The following SLC35F1 variants were observed in gnomAD, a reference collection of about 807,000 sequenced individuals.
The protein encoded by SLC35F1 is solute carrier family 35 member F1.
A neutral mutation model predicts 48.7 loss-of-function variants in SLC35F1; 14 were observed. That is an observed-to-expected ratio of 0.29 (90% CI 0.19 to 0.45). SLC35F1 has a LOEUF of 0.45. Among genes scored for constraint, SLC35F1 ranks in the 20% least tolerant of loss-of-function variants. SLC35F1 has a pLI of 1.00. For missense variants in SLC35F1, 404 were observed against 500.0 expected, an observed-to-expected ratio of 0.81 and a Z score of 1.83; for synonymous variants, 190 against 202.2, an observed-to-expected ratio of 0.94 and a Z score of 0.51.
At chr6:118,075,868 T>C (rs1196277940) in intron 1 of SLC35F1, among the ~76,000 whole-genome samples, 4 of 152,264 alleles carry the variant, frequency 2.6e-5, no homozygotes, top group Admixed American at 6.5e-5. Context: ...ACAGTGTTGT[T>C]CTTTTACAAT....
intron 1 of SLC35F1, among the ~76,000 whole-genome samples, chr6:118,068,880 C>T (rs745466168): frequency 6.6e-6 from 1 of 152,068 alleles, no homozygotes; most frequent in Non-Finnish European, 1.5e-5. Context: ...AAACAAATTC[C>T]ATTATTTTCT....
chr6:118,293,952 G>A (rs1776154104), intron 7 of SLC35F1, among the ~76,000 whole-genome samples: 1 of 152,174 alleles, frequency 6.6e-6, no homozygotes, highest in Non-Finnish European at 1.5e-5. Flanking sequence ...GATTTAAACT[G>A]GCTTCTGTGT....
At chr6:118,058,518 A>G (rs1772493221) in intron 1 of SLC35F1, among the ~76,000 whole-genome samples, 1 of 152,166 alleles carries the variant, frequency 6.6e-6, no homozygotes, top group Non-Finnish European at 1.5e-5. Flanking sequence ...ACAAGGTGGG[A>G]AATATAAATA....
rs73525698 is a variant in SLC35F1, at chr6:118,081,877, T to A, written c.174-72568T>A. ...GAACATAGATTCACTGAGGGTGACTTGGCCCATGATTTACTCCAGTAGTTC... is the reference window on the plus strand; with the variant it reads ...GAACATAGATTCACTGAGGGTGACTAGGCCCATGATTTACTCCAGTAGTTC... On this transcript the variant is annotated intron_variant, in intron 1 of 7. Coordinates refer to ENST00000360388, the MANE Select transcript of SLC35F1 (RefSeq NM_001029858.4). Among the ~76,000 whole-genome samples, 885 of 152,276 alleles carry A rather than the reference T, an allele frequency of 5.8e-3. 14 individuals are homozygous for A. The highest frequency in any genetic ancestry group is 0.021 in the African/African-American group (853 of 41,560).
intron 1 of SLC35F1, among the ~76,000 whole-genome samples, chr6:117,954,303 C>T (rs573629931): frequency 1.3e-5 from 2 of 151,944 alleles, no homozygotes; most frequent in South Asian, 2.1e-4. Flanking sequence ...TTGCCCAGGC[C>T]GGAGTGCAAT....
intron 3 of SLC35F1, among the ~76,000 whole-genome samples, chr6:118,258,929 CACAT>C (rs1775678616): frequency 6.6e-6 from 1 of 151,696 alleles, no homozygotes; most frequent in Non-Finnish European, 1.5e-5. Flanking sequence ...ACTAAAAGAA[CACAT>C]AGATGACTTA....
intron 1 of SLC35F1, among the ~76,000 whole-genome samples, chr6:117,923,659 G>GTATA (rs372227532): frequency 3.5e-5 from 1 of 28,836 alleles, no homozygotes; most frequent in African/African-American, 1.4e-4. Flanking sequence ...ATGTACATAT[G>GTATA]TATATATACA....
chr6:118,100,363 C>T (rs756788210), intron 1 of SLC35F1, among the ~76,000 whole-genome samples: 62 of 152,078 alleles, frequency 4.1e-4, no homozygotes, highest in Non-Finnish European at 7.4e-4. Flanking sequence ...AGACTGTCCT[C>T]ACTTCAGACA....
At chr6:118,073,434 G>A (rs571011254) in intron 1 of SLC35F1, among the ~76,000 whole-genome samples, 47 of 152,164 alleles carry the variant, frequency 3.1e-4, no homozygotes, top group African/African-American at 1.1e-3. Flanking sequence ...GCAATGAAAT[G>A]GAATAATACT....
intron 7 of SLC35F1, among the ~76,000 whole-genome samples, chr6:118,298,727 G>A (rs1006504193): frequency 1.3e-5 from 2 of 152,150 alleles, no homozygotes; most frequent in Non-Finnish European, 2.9e-5. Flanking sequence ...ATTCATGCTG[G>A]AATCTCCTAG....
chr6:117,966,192 C>T (rs1487132560), intron 1 of SLC35F1, among the ~76,000 whole-genome samples: 1 of 146,134 alleles, frequency 6.8e-6, no homozygotes, highest in African/African-American at 2.5e-5. Context: ...GGTCCCTGTC[C>T]ATGCTGTGGA....
At chr6:118,201,200 G>A (rs1383959693) in intron 2 of SLC35F1, among the ~76,000 whole-genome samples, 2 of 152,188 alleles carry the variant, frequency 1.3e-5, no homozygotes, top group Non-Finnish European at 2.9e-5. Context: ...TGCAAAAAAA[G>A]ATTCTCTGTG....
At chr6:118,033,978 C>T (rs1772090510) in intron 1 of SLC35F1, among the ~76,000 whole-genome samples, 1 of 152,146 alleles carries the variant, frequency 6.6e-6, no homozygotes, top group Non-Finnish European at 1.5e-5. Context: ...AATTAGTTAA[C>T]AGGAGGCAGC....
chr6:118,103,613 C>T (rs954388753), intron 1 of SLC35F1, among the ~76,000 whole-genome samples: 9 of 152,140 alleles, frequency 5.9e-5, no homozygotes, highest in African/African-American at 4.8e-5. Flanking sequence ...CTACATGGTG[C>T]GGAATGAATC....
intron 7 of SLC35F1, among the ~76,000 whole-genome samples, chr6:118,308,425 C>T (rs552344137): frequency 1.3e-5 from 2 of 152,280 alleles, no homozygotes; most frequent in South Asian, 2.1e-4. Flanking sequence ...ACAGACCAGT[C>T]GCTCTACATG....
chr6:118,202,862 G>A (rs1327744567), intron 2 of SLC35F1, among the ~76,000 whole-genome samples: 1 of 152,236 alleles, frequency 6.6e-6, no homozygotes, highest in Non-Finnish European at 1.5e-5. Context: ...GATGACATTT[G>A]AGCTGAGACC....
At chr6:118,150,627 A>G (rs1388372998) in intron 1 of SLC35F1, among the ~76,000 whole-genome samples, 1 of 152,174 alleles carries the variant, frequency 6.6e-6, no homozygotes, top group East Asian at 1.9e-4. Flanking sequence ...ATTCTCCAGG[A>G]GACATACTCA....
At chr6:118,063,519 G>A (rs1562278628) in intron 1 of SLC35F1, among the ~76,000 whole-genome samples, 1 of 152,096 alleles carries the variant, frequency 6.6e-6, no homozygotes, top group Non-Finnish European at 1.5e-5. Flanking sequence ...GTTATTCAGT[G>A]TATAAAAGAG....
chr6:118,127,171 T>C (rs573754251), intron 1 of SLC35F1, among the ~76,000 whole-genome samples: 2 of 151,744 alleles, frequency 1.3e-5, no homozygotes, highest in African/African-American at 4.8e-5. Flanking sequence ...ACCTAATTTA[T>C]TGAGAGTTTT....
Sources: gnomAD v4.1 joint callset for allele counts (sites outside exome capture counted in the v4.1 genomes callset) on GRCh38, gnomAD v4.1.1 for gene constraint, MANE v1.5 for transcripts, NCBI Gene and HGNC (gene_info 2026-07-23, HGNC 2026-07-21) for gene names.